The following TSPAN18 variants were observed in gnomAD, a reference collection of about 807,000 sequenced individuals.
TSPAN18 encodes tetraspanin 18.
In TSPAN18, 14 loss-of-function variants were observed where a neutral mutation model predicts 27.3. The observed-to-expected ratio is 0.51, with a 90% confidence interval of 0.34 to 0.80. TSPAN18 has a LOEUF of 0.80. Among genes scored for constraint, TSPAN18 ranks in the 30% least tolerant of loss-of-function variants. The pLI is 0.01. For missense variants in TSPAN18, 268 were observed against 323.9 expected (o/e 0.83, Z 1.32); for synonymous variants, 143 against 136.5 (o/e 1.05, Z -0.33).
rs1429095614 is a variant in TSPAN18 at position 44,929,338 on chromosome 11, A to T, written c.*160A>T. On this transcript the variant is annotated 3_prime_UTR_variant, in exon 10 of 10. Coordinates refer to ENST00000520358, the MANE Select transcript of TSPAN18 (RefSeq NM_130783.5). ...CCAGGGGAATAGAGCTATTTTTTTA[A>T]CAAAACAAAATGAAGACAAAAATAT... 1 of 854,686 alleles carries T rather than the reference A, an allele frequency of 1.2e-6. No individual in the cohort carries two copies. The highest frequency in any genetic ancestry group is 1.7e-5 in the African/African-American group (1 of 58,170). 52.9% of individuals were successfully genotyped at this position (854,686 alleles called of 1,614,324 possible). A position where few individuals can be genotyped will look rare whatever the true frequency, so the allele number is the denominator to read the frequency against.
At chr11:44,861,568 C>T (rs1857887262) in intron 3 of TSPAN18, among the ~76,000 whole-genome samples, 1 of 149,992 alleles carries the variant, frequency 6.7e-6, no homozygotes, top group Non-Finnish European at 1.5e-5. Flanking sequence ...GATGGACTTG[C>T]AAGGGAAAAT....
chr11:44,856,027 T>G (rs1665155), intron 2 of TSPAN18, among the ~76,000 whole-genome samples: 134,727 of 151,644 alleles, frequency 0.89, 59,906 homozygotes, highest in Admixed American at 0.91. Flanking sequence ...GGACTACCAG[T>G]TGTGTACCAC....
chr11:44,848,543 T>G lies in TSPAN18; in HGVS notation c.-152-11785T>G, dbSNP rs766191004. 4.5e-4 allele frequency among the ~76,000 whole-genome samples: 68 copies of G among 151,900 alleles called. 2 individuals are homozygous for G. Among genetic ancestry groups the G allele is most frequent in the Non-Finnish European group, 8.2e-4 (56 of 68,012 alleles). ...AAAATTCCCATTCTCTGCCTGTTACTCGCCTGGCTGAGCTGCAAAGTCTGC... is the reference window on the plus strand; with the variant it reads ...AAAATTCCCATTCTCTGCCTGTTACGCGCCTGGCTGAGCTGCAAAGTCTGC... On this transcript the variant is annotated intron_variant, in intron 2 of 9. Transcript: ENST00000520358.
chr11:44,863,653 A>T (rs905228841), intron 3 of TSPAN18, among the ~76,000 whole-genome samples: 2 of 152,136 alleles, frequency 1.3e-5, no homozygotes, highest in Non-Finnish European at 2.9e-5. Context: ...TGCACTACTG[A>T]TGTCCTTAGC....
chr11:44,879,495 G>C (rs1478224579), intron 3 of TSPAN18, among the ~76,000 whole-genome samples: 1 of 152,212 alleles, frequency 6.6e-6, no homozygotes, highest in Non-Finnish European at 1.5e-5. Flanking sequence ...CTCTGTCTTC[G>C]AGCAGAGACC....
chr11:44,823,358 C>G (rs1418145353), intron 2 of TSPAN18, among the ~76,000 whole-genome samples: 1 of 152,196 alleles, frequency 6.6e-6, no homozygotes, highest in East Asian at 1.9e-4. Context: ...TGGAACAGCT[C>G]TAGTGGAGAG....
chr11:44,907,825 C>T (rs532140814), intron 4 of TSPAN18, among the ~76,000 whole-genome samples: 1 of 152,130 alleles, frequency 6.6e-6, no homozygotes, highest in African/African-American at 2.4e-5. Flanking sequence ...GAGGCAGAGG[C>T]GGGTGGATCA....
At chr11:44,816,734 T>A (rs1377506195) in intron 2 of TSPAN18, among the ~76,000 whole-genome samples, 1 of 152,198 alleles carries the variant, frequency 6.6e-6, no homozygotes, top group Non-Finnish European at 1.5e-5. Context: ...TGCCTCCAAA[T>A]GCAAGTGAGT....
At chr11:44,773,416 C>CA (rs143838540) in intron 2 of TSPAN18, among the ~76,000 whole-genome samples, 21,424 of 149,840 alleles carry the variant, frequency 0.14, 1,614 homozygotes, top group South Asian at 0.24. Context: ...AACTCCATCT[C>CA]AAAAAAAAAC....
Position 44,919,898 on chromosome 11 carries a change from G to A in TSPAN18, c.514G>A (p.Val172Met), listed in dbSNP as rs1860061069. The A allele has an allele frequency of 1.9e-6, 3 of 1,614,216 alleles. No individual in the cohort carries two copies. The highest frequency in any genetic ancestry group is 2.2e-5 in the East Asian group (1 of 44,878). The stretch of plus-strand genomic sequence containing the variant: ...ACTCCTGACCCTGGATAGTGAAGAG[G>A]TGCCGGAGGCCTGCTGCCGGAGGGA... ...FRLLTLDSEE[V>M]PEACCRREPQ... Residue 172 changes from valine to methionine, a missense_variant, in exon 8 of 10, where the codon GTG (valine) becomes ATG (methionine). Coordinates refer to ENST00000520358, the MANE Select transcript of TSPAN18 (RefSeq NM_130783.5).
chr11:44,917,904 C>A, intron 5 of TSPAN18, 68 bp from the exon 6 acceptor site: 1 of 1,413,548 alleles, frequency 7.1e-7, no homozygotes, highest in Non-Finnish European at 1.0e-6. Flanking sequence ...TGGACGGATG[C>A]ATTGGCCAGT....
In TSPAN18 at chr11:44,806,099, A is replaced by G. The variant is rs528872083; in HGVS notation, c.-153+41587A>G. 2.1e-3 allele frequency among the ~76,000 whole-genome samples: 321 copies of G among 149,788 alleles called. 1 individual carries two copies. Among genetic ancestry groups the G allele is most frequent in the Non-Finnish European group, 2.3e-3 (159 of 67,776 alleles). On this transcript the variant is annotated intron_variant, in intron 2 of 9. Transcript: ENST00000520358. The stretch of plus-strand genomic sequence containing the variant: ...CCCCAGGCTGGAGTGTAGTGGTGCA[A>G]TCTTGGCTCACTGCAACCTCCGCCT...
chr11:44,902,388 T>C lies in TSPAN18; in HGVS notation c.-10-4019T>C, dbSNP rs79699434. Among the ~76,000 whole-genome samples the C allele has an allele frequency of 4.0e-3, 615 of 152,326 alleles. 4 individuals are homozygous for C. The highest frequency in any genetic ancestry group is 0.014 in the African/African-American group (585 of 41,568). On this transcript the variant is annotated intron_variant, in intron 3 of 9. Coordinates refer to ENST00000520358, the MANE Select transcript of TSPAN18 (RefSeq NM_130783.5). Reference sequence around the variant, plus strand: ...ATGCTGGTTGGATGCAGGTTAGATGTTCCTTCTAGAAAGTCAGGGATGATG... The same window carrying C: ...ATGCTGGTTGGATGCAGGTTAGATGCTCCTTCTAGAAAGTCAGGGATGATG...
chr11:44,812,121 G>A (rs1856731056), intron 2 of TSPAN18, among the ~76,000 whole-genome samples: 1 of 152,208 alleles, frequency 6.6e-6, no homozygotes, highest in Non-Finnish European at 1.5e-5. Flanking sequence ...CAAGCTGGGG[G>A]CATCCTCCGT....
intron 3 of TSPAN18, among the ~76,000 whole-genome samples, chr11:44,902,234 G>A (rs1859289369): frequency 6.6e-6 from 1 of 152,206 alleles, no homozygotes; most frequent in African/African-American, 2.4e-5. Flanking sequence ...TACACTGGAT[G>A]TTTTTATAGG....
intron 2 of TSPAN18, among the ~76,000 whole-genome samples, chr11:44,806,906 G>A (rs544546655): frequency 1.3e-5 from 2 of 152,214 alleles, no homozygotes; most frequent in African/African-American, 4.8e-5. Flanking sequence ...CACATGAACT[G>A]GAATGCTTTT....
chr11:44,867,325 C>T (rs956069876), intron 3 of TSPAN18, among the ~76,000 whole-genome samples: 1 of 150,784 alleles, frequency 6.6e-6, no homozygotes, highest in Admixed American at 6.6e-5. Flanking sequence ...AATGCATCAG[C>T]CCATAGACCA....
At chr11:44,898,028 A>G (rs1254348321) in intron 3 of TSPAN18, among the ~76,000 whole-genome samples, 1 of 152,054 alleles carries the variant, frequency 6.6e-6, no homozygotes, top group African/African-American at 2.4e-5. Context: ...TTTTCCCACT[A>G]TACATTCATT....
intron 3 of TSPAN18, among the ~76,000 whole-genome samples, chr11:44,868,186 T>C (rs2135231668): frequency 6.6e-6 from 1 of 152,258 alleles, no homozygotes; most frequent in East Asian, 1.9e-4. Context: ...GGGGACGCAG[T>C]TGGAGGCTGG....
Sources: gnomAD v4.1 joint callset for allele counts (sites outside exome capture counted in the v4.1 genomes callset) on GRCh38, gnomAD v4.1.1 for gene constraint, MANE v1.5 for transcripts, NCBI Gene and HGNC (gene_info 2026-07-23, HGNC 2026-07-21) for gene names.